RC3H2: variants seen among roughly 807,000 people sequenced by gnomAD.
RC3H2 encodes roquin-2.
RC3H2 carries 31 observed loss-of-function variants against 133.3 expected under a neutral mutation model. The observed-to-expected ratio is 0.23, with a 90% CI of 0.17 to 0.31. The LOEUF (loss-of-function observed/expected upper bound fraction) is 0.31. RC3H2 is among the 10% of genes least tolerant of loss of function. The probability of loss-of-function intolerance (pLI) is 1.00; values close to 1 mark genes in which losing one functional copy is unlikely to be tolerated. For missense variants in RC3H2, 1,175 were observed against 1,437.2 expected (o/e 0.82, Z 2.95); for synonymous variants, 517 against 502.2 (o/e 1.03, Z -0.40).
chr9:122,895,993 TTCC>T (rs1424820104), intron 2 of RC3H2, among the ~76,000 whole-genome samples: 1 of 151,876 alleles, frequency 6.6e-6, no homozygotes, highest in African/African-American at 2.4e-5. Flanking sequence ...TCTTTTTTTT[TTCC>T]CCCCTAATGT....
chr9:122,877,334 G>A (rs1831384567), intron 9 of RC3H2, 137 bp downstream of exon 9: 1 of 653,644 alleles, frequency 1.5e-6, no homozygotes, highest in Non-Finnish European at 2.6e-6. Context: ...GCAAACTGCT[G>A]GGACTACAGG....
chr9:122,897,184 C>T lies in RC3H2; in HGVS notation c.231+95G>A, dbSNP rs1390546181. 2.9e-6 allele frequency: 3 copies of T among 1,031,656 alleles called. No homozygotes were observed. The Admixed American group carries it at 6.9e-5, about 24-fold the overall frequency. 63.9% of individuals were successfully genotyped at this position (1,031,656 alleles called of 1,614,324 possible). A position where few individuals can be genotyped will look rare whatever the true frequency, so the allele number is the denominator to read the frequency against. Reference sequence around the variant, plus strand: ...GGGCCGCATTCAAAGATGTCCTGGGCCACATGTAGCCTGCAGGCTGGACAA... The same window carrying T: ...GGGCCGCATTCAAAGATGTCCTGGGTCACATGTAGCCTGCAGGCTGGACAA... On this transcript the variant is annotated intron_variant, in intron 2 of 20. Transcript: ENST00000357244.
intron 1 of RC3H2, among the ~76,000 whole-genome samples, chr9:122,904,369 A>G (rs1479870938): frequency 1.3e-5 from 2 of 152,206 alleles, no homozygotes; most frequent in Non-Finnish European, 2.9e-5. Flanking sequence ...AAGGATGGAA[A>G]TGACAGCTAC....
rs2131486479 is a variant in RC3H2 at position 122,890,460 on chromosome 9, T to C, written c.435A>G (p.Glu145=). 1 of 1,614,220 alleles carries C rather than the reference T, an allele frequency of 6.2e-7. No individual in the cohort carries two copies. The highest frequency in any genetic ancestry group is 8.5e-7 in the Non-Finnish European group (1 of 1,180,034). ...VTLVNCQLVE[E]EGRVRAMRAA... ...CTCGCATGGCTCTTACACGACCTTC[T>C]TCCTCCACCAGTTGACAGTTTACAA... is the stretch of plus-strand genomic sequence containing the variant. Residue 145 remains glutamate, a synonymous_variant, in exon 4 of 21, where the codon GAA becomes GAG. Transcript: ENST00000357244.
At chr9:122,878,053 A>C (rs1295561997) in intron 8 of RC3H2, among the ~76,000 whole-genome samples, 2 of 152,228 alleles carry the variant, frequency 1.3e-5, no homozygotes, top group African/African-American at 4.8e-5. Context: ...CTCAGGCTTA[A>C]ACTATTTGAG....
intron 13 of RC3H2, among the ~76,000 whole-genome samples, chr9:122,856,343 C>G (rs1314764570): frequency 6.6e-6 from 1 of 152,228 alleles, no homozygotes; most frequent in Non-Finnish European, 1.5e-5. Context: ...GCCTCGACTT[C>G]CCAGGCTCAG....
At chr9:122,859,198 T>C in intron 11 of RC3H2, 96 bp from the exon 12 acceptor site, 5 of 990,472 alleles carry the variant, frequency 5.0e-6, no homozygotes, top group Non-Finnish European at 7.1e-6. Context: ...TGTAGGAAAA[T>C]ATAATAAGCT....
At chr9:122,890,271 C>A in intron 4 of RC3H2, 41 bp downstream of exon 4, 1 of 1,533,436 alleles carries the variant, frequency 6.5e-7, no homozygotes, top group East Asian at 2.3e-5. Context: ...TCCTCAAGCC[C>A]CAATAGCTAA....
At chr9:122,857,514 T>A (rs962610276) in intron 13 of RC3H2, among the ~76,000 whole-genome samples, 2 of 152,210 alleles carry the variant, frequency 1.3e-5, no homozygotes, top group Non-Finnish European at 2.9e-5. Flanking sequence ...GGCAAATTAC[T>A]TAACTTCTGT....
intron 18 of RC3H2, 168 bp downstream of exon 18, chr9:122,853,784 A>T (rs1830141179): frequency 6.9e-7 from 1 of 1,459,446 alleles, no homozygotes; most frequent in Non-Finnish European, 9.1e-7. Flanking sequence ...TTAAAGAATT[A>T]TTTAAGAAAT....
intron 1 of RC3H2, among the ~76,000 whole-genome samples, chr9:122,902,729 G>A (rs1179129255): frequency 6.6e-6 from 1 of 151,572 alleles, no homozygotes; most frequent in African/African-American, 2.4e-5. Flanking sequence ...GTGCCTTCCT[G>A]TAATCCCAAC....
Position 122,858,907 on chromosome 9 carries a change from G to A in RC3H2, c.2045C>T (p.Pro682Leu), listed in dbSNP as rs779996985. The change falls in exon 12 of 21, where the codon CCA becomes CTA. Residue 682 changes from proline (P) to leucine (L), a missense_variant. Physicochemically the swap from Pro to Leu is moderately conservative, Grantham distance 98. This residue lies in a region of RC3H2 where 490 missense variants were observed against 492.8 expected (regional missense o/e 0.99). Coordinates refer to ENST00000357244, the MANE Select transcript of RC3H2 (RefSeq NM_001100588.3). ...CATTCCAGAAGGTACTGGAGGAACT[G>A]GTCCATACGGCTGCGGAGGAGGAGG... ...YQPPPPQPYG[P>L]VPPVPSGMYA... 6.2e-7 allele frequency: 1 copy of A among 1,614,240 alleles called. No homozygotes were observed. Among genetic ancestry groups the A allele is most frequent in the South Asian group, 1.1e-5 (1 of 91,078 alleles).
chr9:122,859,551 C>A (rs1468515766), intron 11 of RC3H2, among the ~76,000 whole-genome samples: 2 of 152,148 alleles, frequency 1.3e-5, no homozygotes, highest in Non-Finnish European at 2.9e-5. Context: ...TCAGTTATAT[C>A]ATTGATTTTT....
At position 122,897,241 on chromosome 9, in the gene RC3H2, T is replaced by C. The variant is rs2793005; in HGVS notation, c.231+38A>G. Reference sequence around the variant, plus strand: ...AAAATAATGGCAAAAATAGTGATTATTTTTGCACCAACCTATAGTAAAATC... The same window carrying C: ...AAAATAATGGCAAAAATAGTGATTACTTTTGCACCAACCTATAGTAAAATC... On this transcript the variant is annotated intron_variant, in intron 2 of 20. Coordinates refer to ENST00000357244, the MANE Select transcript of RC3H2 (RefSeq NM_001100588.3). The C allele has an allele frequency of 1, 1,594,157 of 1,600,838 alleles. 794,007 individuals carry two copies. Among genetic ancestry groups the C allele is most frequent in the East Asian group, 1 (44,798 of 44,798 alleles).
chr9:122,891,589 CAT>C (rs779271761), intron 3 of RC3H2, among the ~76,000 whole-genome samples: 11 of 152,312 alleles, frequency 7.2e-5, no homozygotes, highest in African/African-American at 1.4e-4. Flanking sequence ...ATTCAACACA[CAT>C]GATTACTCAT....
At chr9:122,895,101 A>G in intron 2 of RC3H2, among the ~76,000 whole-genome samples, 1 of 152,226 alleles carries the variant, frequency 6.6e-6, no homozygotes, top group Middle Eastern at 3.2e-3. Flanking sequence ...TAACATTTAC[A>G]AATGATATTA....
At chr9:122,867,738 C>T (rs1315520325) in intron 9 of RC3H2, among the ~76,000 whole-genome samples, 2 of 100,690 alleles carry the variant, frequency 2.0e-5, no homozygotes, top group Non-Finnish European at 4.4e-5. Flanking sequence ...AGGTGAGGAG[C>T]GTCTCTGCCC....
Position 122,865,566 on chromosome 9 carries a change from C to A in RC3H2, c.1417G>T (p.Ala473Ser), listed in dbSNP as rs748241416. 19 of 1,614,068 alleles carry A rather than the reference C, an allele frequency of 1.2e-5. No individual in the cohort carries two copies. The highest frequency in any genetic ancestry group is 1.4e-5 in the Non-Finnish European group (16 of 1,180,034). The change falls in exon 10 of 21, where the codon GCC becomes TCC. Residue 473 changes from alanine (A) to serine (S), a missense_variant. This residue lies in a region of RC3H2 where 490 missense variants were observed against 492.8 expected (regional missense o/e 0.99). Transcript: ENST00000357244. ...VGVNNTVTTT[A>S]GNVISVIGST... ...CCTATGACAGAAATGACATTTCCGG[C>A]TGTGGTTGTGACAGTGTTGTTTACA...
rs890779215 is a variant in RC3H2 at position 122,849,565 on chromosome 9, T to G, written c.*62A>C. 6.9e-6 allele frequency: 5 copies of G among 728,300 alleles called. No homozygotes were observed. The highest frequency in any genetic ancestry group is 1.0e-5 in the Non-Finnish European group (5 of 477,590). 45.1% of individuals were successfully genotyped at this position (728,300 alleles called of 1,614,324 possible). On this transcript the variant is annotated 3_prime_UTR_variant, in exon 21 of 21. Transcript: ENST00000357244. ...TACATTATATAATATATATTATATA[T>G]ATAAAAAGCTAGTGTAAATGCTTCC...
Sources: allele counts gnomAD v4.1 joint callset (sites outside exome capture counted in the v4.1 genomes callset), GRCh38; gene constraint gnomAD v4.1.1; regional missense constraint gnomAD v4.1.1; transcripts MANE v1.5; gene names NCBI Gene and HGNC (gene_info 2026-07-23, HGNC 2026-07-21).